Variants in CD8B observed in about 807,000 individuals in gnomAD.
CD8B encodes the protein T-cell surface glycoprotein CD8 beta chain.
A neutral mutation model predicts 24.2 loss-of-function variants in CD8B; 6 were observed. The observed-to-expected ratio is 0.25, with a 90% CI of 0.14 to 0.49. The LOEUF is 0.49. Among genes scored for constraint, CD8B ranks in the 20% least tolerant of loss-of-function variants. The pLI, the probability that CD8B is intolerant of heterozygous loss-of-function variation, is 0.98. For synonymous variants in CD8B, 84 were observed against 108.3 expected, an observed-to-expected ratio of 0.78 and a Z score of 1.39; for missense variants, 196 against 271.3, an observed-to-expected ratio of 0.72 and a Z score of 1.95.
intron 5 of CD8B, among the ~76,000 whole-genome samples, chr2:86,828,507 C>T (rs1674780054): frequency 6.6e-6 from 1 of 152,134 alleles, no homozygotes; most frequent in Non-Finnish European, 1.5e-5. Flanking sequence ...GACAATCTCT[C>T]TTCTGAAGTT....
intron 2 of CD8B, among the ~76,000 whole-genome samples, chr2:86,853,524 C>T (rs1192226835): frequency 3.3e-5 from 5 of 151,936 alleles, no homozygotes; most frequent in Admixed American, 1.3e-4. Flanking sequence ...CAGGCTGCTA[C>T]AGGGCTTGAA....
Position 86,841,969 on chromosome 2 carries a change from ATGG to A in CD8B, c.*335_*337del, listed in dbSNP as rs1675451533. 9.4e-7 allele frequency: 1 copy of A among 1,068,138 alleles called. No individual in the cohort carries two copies. The highest frequency in any genetic ancestry group is 1.1e-6 in the Non-Finnish European group (1 of 884,598). The allele number at this position is 1,068,138 out of a possible 1,614,324, so 66.2% of individuals were successfully genotyped here. On this transcript the variant is annotated 3_prime_UTR_variant, in exon 6 of 6. Coordinates refer to ENST00000390655, the MANE Select transcript of CD8B (RefSeq NM_004931.5). ...TACCAGGGCAAAGCAACCTGCAAAG[ATGG>A]TGGCTAAATGGCCACCACTAAAGGT... is the stretch of plus-strand genomic sequence containing the variant.
chr2:86,844,738 G>T, intron 5 of CD8B, 184 bp downstream of exon 5: 1 of 1,527,954 alleles, frequency 6.5e-7, no homozygotes, highest in African/African-American at 1.4e-5. Context: ...GAACTCCTGG[G>T]CTCAAGTGAT....
chr2:86,817,215 T>C (rs1421624414), intron 5 of CD8B, among the ~76,000 whole-genome samples: 1 of 152,164 alleles, frequency 6.6e-6, no homozygotes, highest in Non-Finnish European at 1.5e-5. Flanking sequence ...ATGTAAATTG[T>C]TACAACTGCA....
downstream of CD8B, among the ~76,000 whole-genome samples, chr2:86,838,051 G>A (rs1019758249): frequency 5.9e-5 from 9 of 152,038 alleles, no homozygotes; most frequent in Admixed American, 3.9e-4. Flanking sequence ...TGGCCACCTC[G>A]GACCTGCCTC....
intron 2 of CD8B, among the ~76,000 whole-genome samples, chr2:86,853,866 C>T (rs1294174427): frequency 6.6e-5 from 10 of 151,692 alleles, no homozygotes; most frequent in South Asian, 2.1e-4. Flanking sequence ...CCACTGCATT[C>T]GTCGTGCCAC....
chr2:86,851,616 C>T (rs1277834821), intron 3 of CD8B, among the ~76,000 whole-genome samples: 3 of 152,122 alleles, frequency 2.0e-5, no homozygotes, highest in Non-Finnish European at 4.4e-5. Context: ...CAGTGCCGTC[C>T]TCAATAATTT....
intron 5 of CD8B, among the ~76,000 whole-genome samples, chr2:86,826,726 T>A (rs906400551): frequency 1.3e-5 from 2 of 152,032 alleles, no homozygotes; most frequent in Admixed American, 1.3e-4. Context: ...CCAAGTACAC[T>A]GTGGGAGGCT....
At chr2:86,846,496 G>A (rs1675683003) in intron 4 of CD8B, among the ~76,000 whole-genome samples, 188 bp downstream of exon 4, 1 of 152,168 alleles carries the variant, frequency 6.6e-6, no homozygotes, top group African/African-American at 2.4e-5. Context: ...TGACTCCAGG[G>A]ACAGGGTAGT....
intron 5 of CD8B, among the ~76,000 whole-genome samples, chr2:86,827,289 G>GAAA: frequency 6.6e-6 from 1 of 152,114 alleles, no homozygotes; most frequent in East Asian, 1.9e-4. Context: ...ACATGAATTG[G>GAAA]CTTGCCCTGA....
In CD8B at chr2:86,839,547, C is replaced by A. The variant is rs544679146; in HGVS notation, c.*2760G>T. On this transcript the variant is annotated 3_prime_UTR_variant, in exon 6 of 6. Transcript: ENST00000390655. ...CAAAGGTCAGGTGCTGGGTGCAGAC[C>A]TTCTCACCGCAGCCCCCACCATTGG... 6.6e-6 allele frequency among the ~76,000 whole-genome samples: 1 copy of A among 152,348 alleles called. No individual in the cohort carries two copies. The highest frequency in any genetic ancestry group is 2.1e-4 in the South Asian group (1 of 4,832).
Position 86,826,632 on chromosome 2 carries a change from C to T in CD8B, c.621-10914G>A, listed in dbSNP as rs566658198. On this transcript the variant is annotated intron_variant, in intron 5 of 5. Coordinates refer to the CD8B transcript ENST00000331469. ...TACTGTGCCGCTGCTGGGTGTGAAG[C>T]GTGGCTACTAAAAATGTTCACTTCA... Among the ~76,000 whole-genome samples the T allele has an allele frequency of 3.9e-5, 6 of 152,190 alleles. No homozygotes were observed. The East Asian group carries it at 1.2e-3, about 29-fold the overall frequency.
chr2:86,854,595 T>C (rs1334306242), intron 2 of CD8B, among the ~76,000 whole-genome samples: 1 of 151,916 alleles, frequency 6.6e-6, no homozygotes, highest in Non-Finnish European at 1.5e-5. Context: ...TGCTGAAGTG[T>C]TGGGAGGGGC....
At chr2:86,842,462 T>C (rs1675481859) in intron 5 of CD8B, 143 bp from the exon 6 acceptor site, 1 of 939,522 alleles carries the variant, frequency 1.1e-6, no homozygotes, top group African/African-American at 1.7e-5. Context: ...AGTATGTTTC[T>C]AGGGCCCATC....
intron 5 of CD8B, among the ~76,000 whole-genome samples, chr2:86,831,935 G>C (rs1173126886): frequency 6.6e-6 from 1 of 152,228 alleles, no homozygotes; most frequent in Non-Finnish European, 1.5e-5. Flanking sequence ...TAACTTCATT[G>C]TGCCTGTGCT....
intron 5 of CD8B, 79 bp from the exon 6 acceptor site, chr2:86,842,398 A>G: frequency 6.3e-7 from 1 of 1,587,582 alleles, no homozygotes; most frequent in Non-Finnish European, 8.6e-7. Context: ...GACAAATGGC[A>G]AATGAGAATG....
chr2:86,825,946 C>T (rs569065809), intron 5 of CD8B, among the ~76,000 whole-genome samples: 1 of 152,020 alleles, frequency 6.6e-6, no homozygotes, highest in African/African-American at 2.4e-5. Context: ...TGAACAGGAG[C>T]TCCTACCTGA....
At chr2:86,821,912 C>T (rs149916076) in intron 5 of CD8B, among the ~76,000 whole-genome samples, 90 of 152,268 alleles carry the variant, frequency 5.9e-4, no homozygotes, top group African/African-American at 1.7e-3. Context: ...TTTCGAGGCC[C>T]GCTCTTCTCT....
intron 1 of CD8B, among the ~76,000 whole-genome samples, chr2:86,859,077 T>C (rs989863900): frequency 1.7e-4 from 26 of 152,004 alleles, no homozygotes; most frequent in Admixed American, 6.5e-4. Context: ...TGCCACTGGA[T>C]GTACAGCCCT....
Sources: gnomAD v4.1 joint callset for allele counts (sites outside exome capture counted in the v4.1 genomes callset) on GRCh38, gnomAD v4.1.1 for gene constraint, MANE v1.5 for transcripts, NCBI Gene and HGNC (gene_info 2026-07-23, HGNC 2026-07-21) for gene names.